Variants in CAPS2 observed in about 807,000 individuals in gnomAD.
The protein encoded by CAPS2 is calcyphosin-2.
CAPS2 carries 98 observed loss-of-function variants against 86.5 expected under a neutral mutation model. That is an observed-to-expected ratio of 1.13 (90% CI 0.96 to 1.34). The LOEUF is 1.34. Among genes scored for constraint, CAPS2 ranks in the 40% most tolerant of loss-of-function variants. The pLI, the probability that CAPS2 is intolerant of heterozygous loss-of-function variation, is 0.00. For synonymous variants in CAPS2, 210 were observed against 225.1 expected, an observed-to-expected ratio of 0.93 and a Z score of 0.60; for missense variants, 729 against 686.8, an observed-to-expected ratio of 1.06 and a Z score of -0.69.
At chr12:75,285,141 T>C (rs2034644212) in intron 14 of CAPS2, 61 bp from the exon 15 acceptor site, 1 of 1,515,902 alleles carries the variant, frequency 6.6e-7, no homozygotes, top group Non-Finnish European at 9.0e-7. Flanking sequence ...AACAAAATCA[T>C]CTTAGTTGTA....
intron 11 of CAPS2, among the ~76,000 whole-genome samples, chr12:75,294,042 C>A (rs2036467665): frequency 6.6e-6 from 1 of 152,156 alleles, no homozygotes; most frequent in Admixed American, 6.5e-5. Flanking sequence ...CAGAAATTCT[C>A]CTGCCTCAGT....
intron 1 of CAPS2, among the ~76,000 whole-genome samples, chr12:75,355,202 G>C (rs564081383): frequency 3.0e-4 from 46 of 152,184 alleles, no homozygotes; most frequent in African/African-American, 1.1e-3. Flanking sequence ...AACCTACAGA[G>C]TGGGAGAAAA....
At chr12:75,298,850 T>C in intron 10 of CAPS2, 21 bp downstream of exon 10, 1 of 1,594,100 alleles carries the variant, frequency 6.3e-7, no homozygotes, top group African/African-American at 1.3e-5. Flanking sequence ...TCCAGAGTTC[T>C]AACAATGTTT....
At chr12:75,329,072 C>G (rs560565690), upstream of CAPS2, among the ~76,000 whole-genome samples, 1 of 152,176 alleles carries the variant, frequency 6.6e-6, no homozygotes, top group Non-Finnish European at 1.5e-5. Flanking sequence ...AACTGTACTT[C>G]GCTAAATGTT....
chr12:75,366,513 A>G (rs151329011), intron 1 of CAPS2, among the ~76,000 whole-genome samples: 3 of 152,302 alleles, frequency 2.0e-5, no homozygotes, highest in African/African-American at 7.2e-5. Context: ...TAGTTTGGGT[A>G]CTAGTAAACC....
At chr12:75,388,792 G>T (rs2045422383) in intron 1 of CAPS2, among the ~76,000 whole-genome samples, 1 of 152,004 alleles carries the variant, frequency 6.6e-6, no homozygotes, top group Non-Finnish European at 1.5e-5. Context: ...ATGAACTCTG[G>T]GTGGGAATAA....
Position 75,281,993 on chromosome 12 carries a change from A to T in CAPS2, c.1612+258T>A, listed in dbSNP as rs549624222. Among the ~76,000 whole-genome samples the T allele has an allele frequency of 4.5e-3, 678 of 152,198 alleles. 5 individuals carry two copies. The highest frequency in any genetic ancestry group is 0.016 in the African/African-American group (649 of 41,546). On this transcript the variant is annotated intron_variant, in intron 16 of 16. Transcript: ENST00000393284. ...TTTCTAAACCTATTTCATTCTTTTT[A>T]ACTTAAATCCCTTACTATCTCCTAA... is the stretch of plus-strand genomic sequence containing the variant.
chr12:75,378,851 T>C (rs2139787940), intron 1 of CAPS2, among the ~76,000 whole-genome samples: 1 of 152,344 alleles, frequency 6.6e-6, no homozygotes, highest in East Asian at 1.9e-4. Context: ...ACATTACTAT[T>C]TGACATCATG....
intron 1 of CAPS2, among the ~76,000 whole-genome samples, chr12:75,344,905 C>A (rs1401954998): frequency 6.6e-6 from 1 of 152,078 alleles, no homozygotes; most frequent in African/African-American, 2.4e-5. Context: ...CTAACTAATA[C>A]CCTGAGAATT....
At chr12:75,340,597 A>G (rs1034986201) in intron 1 of CAPS2, among the ~76,000 whole-genome samples, 1 of 152,094 alleles carries the variant, frequency 6.6e-6, no homozygotes, top group Non-Finnish European at 1.5e-5. Flanking sequence ...CCTCATCAAA[A>G]TAAGAAACTT....
intron 12 of CAPS2, among the ~76,000 whole-genome samples, chr12:75,292,168 G>C (rs2036082677): frequency 6.6e-6 from 1 of 152,084 alleles, no homozygotes; most frequent in South Asian, 2.1e-4. Context: ...CCAGGTTCAA[G>C]CGATTCTCTC....
intron 11 of CAPS2, among the ~76,000 whole-genome samples, chr12:75,295,460 T>C (rs556235406): frequency 7.2e-5 from 11 of 152,352 alleles, no homozygotes; most frequent in African/African-American, 2.6e-4. Context: ...ACTAAAAATC[T>C]GGACACATAC....
At chr12:75,362,004 A>G (rs912428238) in intron 1 of CAPS2, among the ~76,000 whole-genome samples, 1 of 152,174 alleles carries the variant, frequency 6.6e-6, no homozygotes, top group Non-Finnish European at 1.5e-5. Context: ...ACATTAAAAC[A>G]ATGATATATA....
intron 1 of CAPS2, among the ~76,000 whole-genome samples, chr12:75,350,779 G>A (rs1018694403): frequency 2.0e-5 from 3 of 152,192 alleles, no homozygotes; most frequent in Admixed American, 6.5e-5. Flanking sequence ...AAAAGCCAGA[G>A]TGTCTCTTCA....
intron 1 of CAPS2, chr12:75,343,763 G>C: frequency 6.2e-7 from 1 of 1,612,880 alleles, no homozygotes; most frequent in Non-Finnish European, 8.5e-7. Context: ...CATAATGACT[G>C]TTTGGATAAA....
chr12:75,300,753 G>A (rs929145314), intron 8 of CAPS2, among the ~76,000 whole-genome samples: 2 of 151,822 alleles, frequency 1.3e-5, no homozygotes, highest in African/African-American at 2.4e-5. Context: ...GCCACCATGA[G>A]ATCAATCCAC....
intron 1 of CAPS2, among the ~76,000 whole-genome samples, chr12:75,326,041 A>C (rs2040748551): frequency 6.6e-6 from 1 of 152,166 alleles, no homozygotes; most frequent in Non-Finnish European, 1.5e-5. Flanking sequence ...AAGTTAATGA[A>C]AATAGAAAAT....
chr12:75,371,070 T>C (rs189117465), intron 1 of CAPS2: 2 of 152,350 alleles, frequency 1.3e-5, no homozygotes, highest in East Asian at 3.9e-4. Context: ...TTAAGGAGAA[T>C]TGACTCACAT....
intron 7 of CAPS2, among the ~76,000 whole-genome samples, chr12:75,309,939 C>G (rs2038965623): frequency 6.6e-6 from 1 of 152,132 alleles, no homozygotes; most frequent in South Asian, 2.1e-4. Context: ...AAAATCAAGA[C>G]ATAGAGAAGG....
Sources: gnomAD v4.1 joint callset for allele counts (sites outside exome capture counted in the v4.1 genomes callset) on GRCh38, gnomAD v4.1.1 for gene constraint, MANE v1.5 for transcripts, NCBI Gene and HGNC (gene_info 2026-07-23, HGNC 2026-07-21) for gene names.